The following ABR variants were observed in gnomAD, a reference collection of about 807,000 sequenced individuals.
The protein encoded by ABR is active breakpoint cluster region-related protein.
A neutral mutation model predicts 107.2 loss-of-function variants in ABR; 35 were observed. The ratio of observed to expected loss-of-function variants is 0.33; its 90% CI spans 0.25 to 0.43. The LOEUF (loss-of-function observed/expected upper bound fraction) is 0.43. Ranked by LOEUF, ABR falls within the 20% of genes least tolerant of loss-of-function variation. The probability of loss-of-function intolerance (pLI) is 1.00; values close to 1 mark genes in which losing one functional copy is unlikely to be tolerated. For synonymous variants in ABR, 498 were observed against 462.0 expected (o/e 1.08, Z -1.00); for missense variants, 815 against 1,115.2 (o/e 0.73, Z 3.83).
Position 1,174,799 on chromosome 17 carries a change from T to A in ABR, c.61+4868A>T, listed in dbSNP as rs565426333. On this transcript the variant is annotated intron_variant, in intron 1 of 22. Coordinates refer to ENST00000302538, the MANE Select transcript of ABR (RefSeq NM_021962.5). ...AGGCCGAAGTGGCAAAGGGAGAGGCTTTAAATACAGCCTCTGCCTCTCCTC... is the reference window on the plus strand; with the variant it reads ...AGGCCGAAGTGGCAAAGGGAGAGGCATTAAATACAGCCTCTGCCTCTCCTC... 3.9e-4 allele frequency among the ~76,000 whole-genome samples: 59 copies of A among 152,220 alleles called. 1 individual carries two copies. The South Asian group carries it at 6.4e-3, about 17-fold the overall frequency.
intron 3 of ABR, among the ~76,000 whole-genome samples, chr17:1,093,597 C>T (rs755379635): frequency 2.0e-4 from 30 of 152,222 alleles, no homozygotes; most frequent in South Asian, 4.1e-4. Flanking sequence ...GTGAGCTTTC[C>T]GACAAGAGAA....
chr17:1,103,150 G>A (rs564490091), intron 2 of ABR, among the ~76,000 whole-genome samples: 3 of 152,170 alleles, frequency 2.0e-5, no homozygotes, highest in African/African-American at 4.8e-5. Flanking sequence ...ACTTATTGGC[G>A]GCTTCACAAA....
At chr17:1,166,943 G>A (rs1270513703) in intron 1 of ABR, among the ~76,000 whole-genome samples, 1 of 152,178 alleles carries the variant, frequency 6.6e-6, no homozygotes, top group Admixed American at 6.5e-5. Flanking sequence ...AGAGGCTGCA[G>A]TGAGAGCTGA....
At chr17:1,197,521 G>A (rs189879127) in intron 1 of ABR, among the ~76,000 whole-genome samples, 22 of 151,490 alleles carry the variant, frequency 1.5e-4, no homozygotes, top group South Asian at 1.0e-3. Flanking sequence ...TCCCCTTCTC[G>A]TGGCCCACAG....
In ABR at chr17:1,078,826, T is replaced by TA. The variant is rs1451614343; in HGVS notation, c.700+503dup. 2.6e-6 allele frequency: 4 copies of TA among 1,535,384 alleles called. No individual in the cohort carries two copies. The highest frequency in any genetic ancestry group is 2.7e-5 in the African/African-American group (2 of 73,010). The stretch of plus-strand genomic sequence containing the variant: ...GCACCTGGGTTACCATAGGTGCAGT[T>TA]ACAGCAGAAGCGAATAATGAGGAGA... On this transcript the variant is annotated intron_variant, in intron 6 of 22. Transcript: ENST00000302538. This position sits in a 1 kb window ranked among gnomAD's most constrained non-coding sequence, Gnocchi z 7.5.
rs1433490365 is a variant in ABR, at chr17:1,037,466, G to A, written c.1791+12584C>T. On this transcript the variant is annotated intron_variant, in intron 16 of 22. Coordinates refer to ENST00000302538, the MANE Select transcript of ABR (RefSeq NM_021962.5). This position sits in a 1 kb window ranked among gnomAD's most constrained non-coding sequence, Gnocchi z 4.6. ...TTGTCTGCTGCAGGAGAAGTGTCCC[G>A]ACAGCCCGTCCCTGGCAAACCCTAG... 6.6e-6 allele frequency among the ~76,000 whole-genome samples: 1 copy of A among 152,148 alleles called. No homozygotes were observed. Among genetic ancestry groups the A allele is most frequent in the Admixed American group, 6.5e-5 (1 of 15,282 alleles).
exon 1 of ABR, among the ~76,000 whole-genome samples, chr17:1,229,573 C>T (rs978750974): frequency 1.3e-5 from 2 of 152,206 alleles, no homozygotes; most frequent in Admixed American, 1.3e-4. Flanking sequence ...GGGACCGGCG[C>T]CTCCGCCCCG....
At chr17:1,199,005 G>T (rs2042622592) in intron 1 of ABR, among the ~76,000 whole-genome samples, 1 of 147,386 alleles carries the variant, frequency 6.8e-6, no homozygotes, top group African/African-American at 2.6e-5. Flanking sequence ...AGTGAGCCGA[G>T]ACGGTGCCAT....
chr17:1,119,499 C>T lies in ABR; in HGVS notation c.246+5684G>A, dbSNP rs539807102. On this transcript the variant is annotated intron_variant, in intron 2 of 22. Transcript: ENST00000302538. Reference sequence around the variant, plus strand: ...ATCCCTGAGCCTGAGTTCCTCCCAGCGTTATCCCTGAGCCTGAGTTCTTCC... The same window carrying T: ...ATCCCTGAGCCTGAGTTCCTCCCAGTGTTATCCCTGAGCCTGAGTTCTTCC... Among the ~76,000 whole-genome samples, 53 of 151,310 alleles carry T rather than the reference C, an allele frequency of 3.5e-4. 2 individuals carry two copies. The highest frequency in any genetic ancestry group is 5.5e-4 in the Non-Finnish European group (37 of 67,832).
chr17:1,072,650 G>A lies in ABR; in HGVS notation c.858C>T (p.Asp286=), dbSNP rs763190591. Residue 286 remains aspartate (D), a synonymous_variant, in exon 8 of 23, where the codon GAC becomes GAT. Coordinates refer to ENST00000302538, the MANE Select transcript of ABR (RefSeq NM_021962.5). ...GCGTTGTCACTGCAGTCCGGCGGGGGTCGATGTCCTCGTTGATGCTGGACA... is the reference window on the plus strand; with the variant it reads ...GCGTTGTCACTGCAGTCCGGCGGGGATCGATGTCCTCGTTGATGCTGGACA... ...NFLSSINEDI[D]PRRTAVTTPK... 6.2e-7 allele frequency: 1 copy of A among 1,612,438 alleles called. No individual in the cohort carries two copies. Among genetic ancestry groups the A allele is most frequent in the Non-Finnish European group, 8.5e-7 (1 of 1,179,350 alleles).
intron 16 of ABR, among the ~76,000 whole-genome samples, chr17:1,034,103 T>G (rs1567619123): frequency 6.6e-6 from 1 of 151,742 alleles, no homozygotes; most frequent in Non-Finnish European, 1.5e-5. Context: ...CTTGAGTAGA[T>G]GGGACTACAC....
chr17:1,101,939 T>C (rs185479484), intron 2 of ABR, among the ~76,000 whole-genome samples: 352 of 152,210 alleles, frequency 2.3e-3, no homozygotes, highest in South Asian at 4.1e-3. Flanking sequence ...TTCACCGTGT[T>C]AGCCAGGATG....
chr17:1,057,859 G>T, intron 12 of ABR, 111 bp downstream of exon 12: 1 of 951,362 alleles, frequency 1.1e-6, no homozygotes, highest in African/African-American at 1.6e-5. Flanking sequence ...CACCTCTGAG[G>T]GTGACTGCGA....
upstream of ABR, among the ~76,000 whole-genome samples, chr17:1,192,024 C>G (rs10521110): frequency 1.3e-4 from 20 of 152,184 alleles, no homozygotes; most frequent in Admixed American, 1.1e-3. Flanking sequence ...CACCTCGACA[C>G]GAAGAGATGT....
chr17:1,078,858 A>G lies in ABR; in HGVS notation c.700+472T>C. The G allele has an allele frequency of 1.3e-6, 2 of 1,535,536 alleles. No homozygotes were observed. The highest frequency in any genetic ancestry group is 1.7e-6 in the Non-Finnish European group (2 of 1,146,794). On this transcript the variant is annotated intron_variant, in intron 6 of 22. Coordinates refer to ENST00000302538, the MANE Select transcript of ABR (RefSeq NM_021962.5). The surrounding 1 kb of genome is among the most constrained non-coding windows in gnomAD (Gnocchi z 7.5). ...GAAGCGAATAATGAGGAGAATCTCC[A>G]TGGCAGCCTCTGTCCCCGCGGCGGG... is the stretch of plus-strand genomic sequence containing the variant.
At chr17:1,194,488 C>T (rs1598104806) in intron 1 of ABR, among the ~76,000 whole-genome samples, 3 of 131,984 alleles carry the variant, frequency 2.3e-5, no homozygotes, top group Non-Finnish European at 4.9e-5. Flanking sequence ...TGAGACACTT[C>T]GCCCAGCCTT....
chr17:1,038,677 G>A (rs1031394696), intron 16 of ABR, among the ~76,000 whole-genome samples: 5 of 152,216 alleles, frequency 3.3e-5, no homozygotes, highest in Admixed American at 6.5e-5. Flanking sequence ...CGGCAAGGGC[G>A]GGGCTGGCCA....
chr17:1,094,891 C>T (rs937541193), intron 3 of ABR, among the ~76,000 whole-genome samples: 15 of 151,972 alleles, frequency 9.9e-5, no homozygotes, highest in African/African-American at 2.9e-4. Flanking sequence ...CAGAAGGCAC[C>T]GGGAGGCAGG....
chr17:1,025,370 G>A (rs1597422925), intron 16 of ABR, among the ~76,000 whole-genome samples: 1 of 152,194 alleles, frequency 6.6e-6, no homozygotes, highest in Admixed American at 6.5e-5. Flanking sequence ...ACAGCACCTT[G>A]TAAGTGTCAC....
Sources: gnomAD v4.1 joint callset for allele counts (sites outside exome capture counted in the v4.1 genomes callset) on GRCh38, gnomAD v4.1.1 for gene constraint, Gnocchi (gnomAD v3.1) non-coding constraint, MANE v1.5 for transcripts, NCBI Gene and HGNC (gene_info 2026-07-23, HGNC 2026-07-21) for gene names.